CNTLN: variants seen among roughly 807,000 people sequenced by gnomAD.
The protein encoded by CNTLN is centlein, centrosomal protein.
CNTLN carries 212 observed loss-of-function variants against 180.0 expected under a neutral mutation model. The observed-to-expected ratio is 1.18, with a 90% CI of 1.05 to 1.32. CNTLN has a LOEUF of 1.32. Among genes scored for constraint, CNTLN ranks in the 40% most tolerant of loss-of-function variants. The probability of loss-of-function intolerance (pLI) is 0.00; values close to 1 mark genes in which losing one functional copy is unlikely to be tolerated. For missense variants in CNTLN, 2,095 were observed against 1,610.9 expected (o/e 1.30, Z -5.14); for synonymous variants, 722 against 563.1 (o/e 1.28, Z -3.99).
chr9:17,361,458 T>C (rs1246823043), intron 12 of CNTLN, among the ~76,000 whole-genome samples: 2 of 152,232 alleles, frequency 1.3e-5, no homozygotes, highest in Non-Finnish European at 2.9e-5. Flanking sequence ...GTGAGAAATA[T>C]TCTGGGAATA....
chr9:17,466,379 C>G (rs1831748603), intron 22 of CNTLN, among the ~76,000 whole-genome samples: 2 of 151,384 alleles, frequency 1.3e-5, no homozygotes, highest in African/African-American at 4.8e-5. Flanking sequence ...GGTATTTATA[C>G]AAGTAGATCT....
intron 5 of CNTLN, among the ~76,000 whole-genome samples, chr9:17,263,435 T>G (rs994784283): frequency 6.6e-6 from 1 of 151,148 alleles, no homozygotes; most frequent in Non-Finnish European, 1.5e-5. Context: ...CTTAATCCAG[T>G]CTGTCTTTGT....
the CNTLN span, among the ~76,000 whole-genome samples, chr9:17,511,306 C>T: frequency 6.6e-6 from 1 of 152,134 alleles, no homozygotes; most frequent in Non-Finnish European, 1.5e-5. Flanking sequence ...TTACAAGGAA[C>T]TTTGAAAAAG....
rs537524776 is a variant in CNTLN, at chr9:17,246,691, C to T, written c.849+10103C>T. 1.2e-4 allele frequency among the ~76,000 whole-genome samples: 18 copies of T among 152,226 alleles called. No individual in the cohort carries two copies. The South Asian group carries it at 2.9e-3, about 25-fold the overall frequency. On this transcript the variant is annotated intron_variant, in intron 5 of 25. Coordinates refer to ENST00000380647, the MANE Select transcript of CNTLN (RefSeq NM_017738.4). ...CCATCCGGGAGTCAGGGCCTGGAGT[C>T]GGGAAAAGTAGGAATCTACCTGGTC...
chr9:17,387,387 T>C (rs999000663), intron 13 of CNTLN, among the ~76,000 whole-genome samples: 5 of 152,178 alleles, frequency 3.3e-5, no homozygotes, highest in African/African-American at 1.2e-4. Flanking sequence ...AAAATGTTAG[T>C]AAAATTTGTC....
At chr9:17,273,432 A>G (rs978389633) in intron 5 of CNTLN, among the ~76,000 whole-genome samples, 8 of 148,722 alleles carry the variant, frequency 5.4e-5, no homozygotes, top group Non-Finnish European at 8.9e-5. Flanking sequence ...ATTTTTGTTC[A>G]GCTAATGTAT....
chr9:17,244,275 G>A (rs1405697136), intron 5 of CNTLN, among the ~76,000 whole-genome samples: 3 of 151,130 alleles, frequency 2.0e-5, no homozygotes, highest in African/African-American at 2.4e-5. Context: ...GCAGTGGCAC[G>A]ATCATGGCTC....
the CNTLN span, among the ~76,000 whole-genome samples, chr9:17,512,082 ATTAT>A: frequency 6.6e-6 from 1 of 152,208 alleles, no homozygotes; most frequent in South Asian, 2.1e-4. Flanking sequence ...GGACAGCACA[ATTAT>A]TCTTCCACAG....
chr9:17,404,447 T>TA (rs907318011), intron 15 of CNTLN, among the ~76,000 whole-genome samples: 23 of 151,746 alleles, frequency 1.5e-4, no homozygotes, highest in Middle Eastern at 3.4e-3. Flanking sequence ...GGAACACAAT[T>TA]ATGGTCTGTA....
chr9:17,454,873 A>C (rs974382244), intron 18 of CNTLN, among the ~76,000 whole-genome samples: 2 of 152,200 alleles, frequency 1.3e-5, no homozygotes, highest in African/African-American at 4.8e-5. Context: ...TCTTAACGTG[A>C]CTTAAATGCT....
rs1039329091 is a variant in CNTLN, at chr9:17,258,757, A to G, written c.850-14976A>G. On this transcript the variant is annotated intron_variant, in intron 5 of 25. Transcript: ENST00000380647. The stretch of plus-strand genomic sequence containing the variant: ...AGCAGTTGTGAATGTGAGTTCACTC[A>G]TGATTTGGCTCTCTGTTTGTCTGTT... Among the ~76,000 whole-genome samples, 4 of 146,506 alleles carry G rather than the reference A, an allele frequency of 2.7e-5. 1 individual carries two copies. The highest frequency in any genetic ancestry group is 1.1e-4 in the African/African-American group (4 of 37,990).
At chr9:17,519,896 C>T in the CNTLN span, among the ~76,000 whole-genome samples, 1 of 152,166 alleles carries the variant, frequency 6.6e-6, no homozygotes, top group African/African-American at 2.4e-5. Flanking sequence ...TACAGTATAG[C>T]TGGGGTGAAG....
intron 2 of CNTLN, among the ~76,000 whole-genome samples, chr9:17,201,845 T>C (rs1299283290): frequency 1.3e-5 from 2 of 152,182 alleles, no homozygotes; most frequent in Non-Finnish European, 2.9e-5. Context: ...TCAATTCTGC[T>C]CTGATCTTAG....
At chr9:17,287,115 C>T (rs1284509957) in intron 6 of CNTLN, among the ~76,000 whole-genome samples, 12 of 117,070 alleles carry the variant, frequency 1.0e-4, no homozygotes, top group African/African-American at 4.1e-4. Flanking sequence ...CCAGTTTTTG[C>T]CCATTCAGTA....
chr9:17,413,932 G>A (rs139813971), intron 16 of CNTLN, among the ~76,000 whole-genome samples: 1 of 152,282 alleles, frequency 6.6e-6, no homozygotes, highest in Non-Finnish European at 1.5e-5. Flanking sequence ...ACCTTTGTTT[G>A]TAATAGCTGA....
At chr9:17,460,244 A>G (rs573214232) in intron 19 of CNTLN, among the ~76,000 whole-genome samples, 2 of 151,818 alleles carry the variant, frequency 1.3e-5, no homozygotes, top group African/African-American at 2.4e-5. Flanking sequence ...AACTCAAACC[A>G]TCTGGCTCCA....
Position 17,322,631 on chromosome 9 carries a change from A to G in CNTLN, c.1342-8001A>G, listed in dbSNP as rs146240242. Among the ~76,000 whole-genome samples the G allele has an allele frequency of 3.0e-3, 453 of 152,038 alleles. 2 individuals are homozygous for G. The highest frequency in any genetic ancestry group is 4.5e-3 in the Non-Finnish European group (304 of 67,938). On this transcript the variant is annotated intron_variant, in intron 8 of 25. Transcript: ENST00000380647. ...GTTTAGTGATTTTTTTTTTCCTACT[A>G]TTATTCAAAATTACATTACCCTTAC...
At chr9:17,499,482 A>G (rs1447638995) in intron 25 of CNTLN, among the ~76,000 whole-genome samples, 1 of 152,202 alleles carries the variant, frequency 6.6e-6, no homozygotes, top group Non-Finnish European at 1.5e-5. Flanking sequence ...TGCTAAATAA[A>G]TGAATAGTAT....
chr9:17,158,083 T>C (rs1167265658), intron 2 of CNTLN, among the ~76,000 whole-genome samples: 1 of 152,216 alleles, frequency 6.6e-6, no homozygotes, highest in African/African-American at 2.4e-5. Flanking sequence ...ATCCAAAATT[T>C]GAAACACTTC....
Sources: allele counts gnomAD v4.1 joint callset (sites outside exome capture counted in the v4.1 genomes callset), GRCh38; gene constraint gnomAD v4.1.1; transcripts MANE v1.5; gene names NCBI Gene and HGNC (gene_info 2026-07-23, HGNC 2026-07-21).